Variants in ERBB4 observed in about 807,000 individuals in gnomAD.
ERBB4 encodes the protein erb-b2 receptor tyrosine kinase 4.
A neutral mutation model predicts 158.0 loss-of-function variants in ERBB4; 42 were observed. The observed-to-expected ratio is 0.27, with a 90% CI of 0.21 to 0.34. ERBB4 has a LOEUF of 0.34. ERBB4 is among the 10% of genes least tolerant of loss of function. The pLI, the probability that ERBB4 is intolerant of heterozygous loss-of-function variation, is 1.00. For synonymous variants in ERBB4, 583 were observed against 558.7 expected, an observed-to-expected ratio of 1.04 and a Z score of -0.61; for missense variants, 1,333 against 1,624.1, an observed-to-expected ratio of 0.82 and a Z score of 3.08.
intron 1 of ERBB4, among the ~76,000 whole-genome samples, chr2:212,388,830 T>C (rs2090762519): frequency 6.6e-6 from 1 of 152,080 alleles, no homozygotes; most frequent in Admixed American, 6.6e-5. Flanking sequence ...TACCACAAAT[T>C]TGTTGATGAA....
intron 1 of ERBB4, among the ~76,000 whole-genome samples, chr2:212,154,599 C>T (rs981823631): frequency 6.6e-6 from 1 of 152,118 alleles, no homozygotes; most frequent in East Asian, 1.9e-4. Context: ...CACTGCAAAC[C>T]GTCCTTGATA....
Position 211,657,754 on chromosome 2 carries a change from C to T in ERBB4, c.1946G>A (p.Arg649Lys), listed in dbSNP as rs978290380. The change falls in exon 16 of 28, where the codon AGA becomes AAA. Residue 649 changes from arginine to lysine, a missense_variant and splice_region_variant. Physicochemically the swap from Arg to Lys is conservative, Grantham distance 26 (BLOSUM62 2). Transcript: ENST00000342788. ...TGHSTLPQHA[R>K]TPLIAAGVIG... ...AAAATGGAAACATGGTAGATGTTAC[C>T]TAGCATGTTGTGGTAAAGTGGAATG... The T allele has an allele frequency of 1.2e-6, 2 of 1,611,840 alleles. No homozygotes were observed. The highest frequency in any genetic ancestry group is 1.7e-6 in the Non-Finnish European group (2 of 1,177,952).
At chr2:211,635,062 A>G (rs2070307463) in intron 16 of ERBB4, among the ~76,000 whole-genome samples, 1 of 152,212 alleles carries the variant, frequency 6.6e-6, no homozygotes, top group South Asian at 2.1e-4. Context: ...TAAGGGATCT[A>G]GAATACTCTG....
chr2:212,476,133 ACT>A (rs369273070), intron 1 of ERBB4, among the ~76,000 whole-genome samples: 210 of 140,392 alleles, frequency 1.5e-3, no homozygotes, highest in South Asian at 2.7e-3. Flanking sequence ...ACACATACAT[ACT>A]CTCTCTCTCT....
intron 5 of ERBB4, among the ~76,000 whole-genome samples, chr2:211,745,573 T>G (rs185247419): frequency 2.0e-5 from 3 of 152,082 alleles, no homozygotes; most frequent in South Asian, 2.1e-4. Context: ...CAGATTTAAA[T>G]TGGAATAAGT....
chr2:211,717,421 T>A (rs891680302), intron 7 of ERBB4, among the ~76,000 whole-genome samples: 11 of 152,214 alleles, frequency 7.2e-5, no homozygotes, highest in African/African-American at 2.7e-4. Context: ...TTAAGAGACA[T>A]ATTAAACACA....
At chr2:212,144,382 T>C (rs890194928) in intron 1 of ERBB4, among the ~76,000 whole-genome samples, 1 of 152,216 alleles carries the variant, frequency 6.6e-6, no homozygotes, top group African/African-American at 2.4e-5. Context: ...AGTTATTTTT[T>C]CTGGAAAATG....
At chr2:212,031,451 A>G (rs1333075142) in intron 2 of ERBB4, among the ~76,000 whole-genome samples, 1 of 152,160 alleles carries the variant, frequency 6.6e-6, no homozygotes, top group Non-Finnish European at 1.5e-5. Flanking sequence ...TATTTGTTTA[A>G]TACACTTAAG....
At chr2:211,968,108 T>A (rs1289253477) in intron 2 of ERBB4, among the ~76,000 whole-genome samples, 1 of 152,048 alleles carries the variant, frequency 6.6e-6, no homozygotes, top group Non-Finnish European at 1.5e-5. Context: ...AATAAACTTT[T>A]CAAACTACTT....
chr2:211,501,174 A>T (rs2065605300), intron 20 of ERBB4, among the ~76,000 whole-genome samples: 3 of 151,998 alleles, frequency 2.0e-5, no homozygotes, highest in Admixed American at 1.3e-4. Context: ...TTTATTAAAA[A>T]GCAAACTTCC....
chr2:212,510,185 C>CCTT (rs1198810870), intron 1 of ERBB4, among the ~76,000 whole-genome samples: 1 of 136,762 alleles, frequency 7.3e-6, no homozygotes, highest in Non-Finnish European at 1.5e-5. Context: ...CCTAAAAACA[C>CCTT]CTTCCATCCT....
At chr2:212,253,455 A>C (rs2084614814) in intron 1 of ERBB4, among the ~76,000 whole-genome samples, 1 of 151,918 alleles carries the variant, frequency 6.6e-6, no homozygotes, top group African/African-American at 2.4e-5. Context: ...ATAATAAGTA[A>C]ATTTGCTTCT....
rs5838296 is a variant in ERBB4, at chr2:212,080,676, TAAA to T, written c.234+44073_234+44075del. Reference sequence around the variant, plus strand: ...TTATCTCATTTTATGGTATAAATAGTAAAAAAAAAAAAAAAAAACCTCTTTATA... The same window carrying T: ...TTATCTCATTTTATGGTATAAATAGTAAAAAAAAAAAAAAACCTCTTTATA... On this transcript the variant is annotated intron_variant, in intron 2 of 27. Transcript: ENST00000342788. 6.6e-3 allele frequency among the ~76,000 whole-genome samples: 918 copies of T among 139,344 alleles called. 4 individuals are homozygous for T. Among genetic ancestry groups the T allele is most frequent in the East Asian group, 9.0e-3 (44 of 4,866 alleles). The allele number at this position is 139,344 out of a possible 152,430, so 91.4% of individuals were successfully genotyped here. A position where few individuals can be genotyped will look rare whatever the true frequency, so the allele number is the denominator to read the frequency against.
intron 3 of ERBB4, among the ~76,000 whole-genome samples, chr2:211,856,112 T>C (rs2077852657): frequency 6.6e-6 from 1 of 152,166 alleles, no homozygotes; most frequent in East Asian, 1.9e-4. Context: ...TTAAATATTA[T>C]ACCACAAATT....
chr2:212,429,330 C>A (rs1025026396), intron 1 of ERBB4: 5 of 152,088 alleles, frequency 3.3e-5, no homozygotes, highest in Admixed American at 2.0e-4. Flanking sequence ...TAAACAAAAC[C>A]CAGAAAGCAC....
At chr2:211,544,524 T>A (rs907092143) in intron 20 of ERBB4, among the ~76,000 whole-genome samples, 1 of 152,018 alleles carries the variant, frequency 6.6e-6, no homozygotes, top group African/African-American at 2.4e-5. Flanking sequence ...GCTTACCAGC[T>A]ATGCAACCTT....
chr2:211,569,673 G>T (rs2067656451), intron 19 of ERBB4, among the ~76,000 whole-genome samples: 1 of 152,144 alleles, frequency 6.6e-6, no homozygotes, highest in East Asian at 1.9e-4. Flanking sequence ...GAGCATTCAA[G>T]GAAAAGCATG....
rs181702310 is a variant in ERBB4 at position 211,739,461 on chromosome 2, T to C, written c.622+11178A>G. Among the ~76,000 whole-genome samples the C allele has an allele frequency of 3.0e-3, 452 of 152,076 alleles. 3 individuals are homozygous for C. The highest frequency in any genetic ancestry group is 0.011 in the African/African-American group (439 of 41,438). On this transcript the variant is annotated intron_variant, in intron 5 of 27. Transcript: ENST00000342788. ...AGGTTATTCTTTTCAAACATCTGGC[T>C]ATTTATTTATTTATTTATTTTGAGA...
Position 211,928,448 on chromosome 2 carries a change from G to T in ERBB4, c.421+18982C>A, listed in dbSNP as rs1286065592. ...GTTCACTGTTATCAAATGCCAGGCT[G>T]GGGGCTACCCCTGGTAAGAGGGCTC... is the stretch of plus-strand genomic sequence containing the variant. On this transcript the variant is annotated intron_variant, in intron 3 of 27. Transcript: ENST00000342788. 3.3e-5 allele frequency among the ~76,000 whole-genome samples: 5 copies of T among 152,278 alleles called. No homozygotes were observed. In the South Asian group the frequency reaches 6.2e-4, roughly 19 times the overall value.
Sources: allele counts gnomAD v4.1 joint callset (sites outside exome capture counted in the v4.1 genomes callset), GRCh38; gene constraint gnomAD v4.1.1; transcripts MANE v1.5; gene names NCBI Gene and HGNC (gene_info 2026-07-23, HGNC 2026-07-21).